The following FHDC1 variants were observed in gnomAD, a reference collection of about 807,000 sequenced individuals.
The protein encoded by FHDC1 is FH2 domain-containing protein 1.
A neutral mutation model predicts 52.6 loss-of-function variants in FHDC1; 25 were observed. The observed-to-expected ratio is 0.48, with a 90% confidence interval of 0.35 to 0.66. The LOEUF (loss-of-function observed/expected upper bound fraction) is 0.66. Ranked by LOEUF, FHDC1 falls within the 30% of genes least tolerant of loss-of-function variation. FHDC1 has a pLI of 0.01. For synonymous variants in FHDC1, 616 were observed against 581.5 expected (o/e 1.06, Z -0.85); for missense variants, 1,459 against 1,452.8 (o/e 1.00, Z -0.07).
chr4:152,943,243 A>T lies in FHDC1; in HGVS notation c.186A>T (p.Pro62=). ...GTCCTTCCTCCCCTCCTCCACCCCCACCACCTCCACTTCCTGGGGAGCCTC... is the reference window on the plus strand; with the variant it reads ...GTCCTTCCTCCCCTCCTCCACCCCCTCCACCTCCACTTCCTGGGGAGCCTC... ...EECPSSPPPP[P]PPPLPGEPPI... Residue 62 remains proline (P), a synonymous_variant, in exon 2 of 12, where the codon CCA becomes CCT. Coordinates refer to ENST00000511601, the MANE Select transcript of FHDC1 (RefSeq NM_001371116.1). The T allele has an allele frequency of 2.9e-6, 2 of 678,592 alleles. No homozygotes were observed. Among genetic ancestry groups the T allele is most frequent in the Non-Finnish European group, 4.0e-6 (2 of 497,366 alleles). The allele number at this position is 678,592 out of a possible 1,614,324, so 42.0% of individuals were successfully genotyped here.
chr4:152,914,947 C>T, the FHDC1 span, among the ~76,000 whole-genome samples: 1 of 151,434 alleles, frequency 6.6e-6, no homozygotes, highest in Admixed American at 6.6e-5. Flanking sequence ...GGAAAGGTAA[C>T]TTTAATCTTG....
At chr4:152,911,825 T>G in the FHDC1 span, 1 of 152,614 alleles carries the variant, frequency 6.6e-6, no homozygotes, top group Non-Finnish European at 1.5e-5. Context: ...CCAGCAGAAT[T>G]ACTACTTGTG....
chr4:152,968,666 C>T (rs1202449499), intron 10 of FHDC1, among the ~76,000 whole-genome samples: 2 of 152,144 alleles, frequency 1.3e-5, no homozygotes, highest in Non-Finnish European at 2.9e-5. Flanking sequence ...AGTGCTTCTG[C>T]GAGGCTCCTG....
the FHDC1 span, among the ~76,000 whole-genome samples, chr4:152,929,489 C>T: frequency 1.3e-5 from 2 of 152,168 alleles, no homozygotes; most frequent in South Asian, 4.1e-4. This position sits in a 1 kb window ranked among gnomAD's most constrained non-coding sequence, Gnocchi z 4.1. Context: ...GAATGGGAGG[C>T]AGGTTTGCCC....
In FHDC1 at chr4:152,936,344, A is replaced by G. The variant is rs6854237; in HGVS notation, c.-196A>G. 7,379 of 152,242 alleles carry G rather than the reference A, an allele frequency of 0.048. 226 individuals carry two copies. Among genetic ancestry groups the G allele is most frequent in the South Asian group, 0.11 (553 of 4,828 alleles). The allele number at this position is 152,242 out of a possible 1,614,324, so 9.4% of individuals were successfully genotyped here. On this transcript the variant is annotated 5_prime_UTR_variant, in exon 1 of 12. Transcript: ENST00000511601. ...CTGCAGTGACCGGGAGGAGGCGGCT[A>G]CGCCGACACAACGGCGGGAGGCTGC...
At chr4:152,950,055 G>T (rs1051705885) in intron 2 of FHDC1, among the ~76,000 whole-genome samples, 1 of 152,122 alleles carries the variant, frequency 6.6e-6, no homozygotes, top group African/African-American at 2.4e-5. Context: ...TCACTCATTG[G>T]CTGGGTTTGT....
the FHDC1 span, among the ~76,000 whole-genome samples, chr4:152,924,731 A>G: frequency 6.6e-6 from 1 of 152,068 alleles, no homozygotes; most frequent in Admixed American, 6.5e-5. Context: ...GAAATTGGAA[A>G]TCATCATTCT....
At chr4:152,947,651 G>A (rs1284915546) in intron 2 of FHDC1, among the ~76,000 whole-genome samples, 1 of 152,186 alleles carries the variant, frequency 6.6e-6, no homozygotes, top group Non-Finnish European at 1.5e-5. Context: ...AGAGCACAAA[G>A]GGATCAGCTT....
At chr4:152,927,660 A>G in the FHDC1 span, 2 of 1,592,832 alleles carry the variant, frequency 1.3e-6, no homozygotes, top group Non-Finnish European at 1.7e-6. Flanking sequence ...TATGAGGAAC[A>G]GTTCAAATTC....
rs1740898950 is a variant in FHDC1 at position 152,976,626 on chromosome 4, C to G, written c.3335C>G (p.Pro1112Arg). The G allele has an allele frequency of 6.2e-7, 1 of 1,606,948 alleles. No individual in the cohort carries two copies. The highest frequency in any genetic ancestry group is 8.5e-7 in the Non-Finnish European group (1 of 1,176,638). ...GGTCCCAGTGCCAACACGGAGGCCC[C>G]TCTGAAGGCCAGAGGGGCTGGGGAA... is the stretch of plus-strand genomic sequence containing the variant. ...AEGPSANTEA[P>R]LKARGAGERA... Residue 1112 changes from proline (P) to arginine (R), a missense_variant, in exon 12 of 12, where the codon CCT becomes CGT. This residue lies in a region of FHDC1 where 939 missense variants were observed against 854.5 expected (regional missense o/e 1.10). Coordinates refer to ENST00000511601, the MANE Select transcript of FHDC1 (RefSeq NM_001371116.1).
At chr4:152,926,961 A>G in the FHDC1 span, among the ~76,000 whole-genome samples, 1 of 152,252 alleles carries the variant, frequency 6.6e-6, no homozygotes, top group Non-Finnish European at 1.5e-5. Flanking sequence ...TTTAGCTAAG[A>G]CAGAACCCTG....
At chr4:152,912,925 C>T in the FHDC1 span, among the ~76,000 whole-genome samples, 1 of 152,166 alleles carries the variant, frequency 6.6e-6, no homozygotes, top group Non-Finnish European at 1.5e-5. Flanking sequence ...ATATTCAAAA[C>T]ACACTGATAA....
chr4:152,917,925 GA>G, the FHDC1 span, among the ~76,000 whole-genome samples: 1 of 152,074 alleles, frequency 6.6e-6, no homozygotes, highest in East Asian at 1.9e-4. Flanking sequence ...ATAAAATGAG[GA>G]AAAAAATTCG....
the FHDC1 span, among the ~76,000 whole-genome samples, chr4:152,926,653 C>CT: frequency 7.4e-5 from 11 of 149,022 alleles, no homozygotes; most frequent in South Asian, 1.3e-3. Flanking sequence ...AAATCTTTCC[C>CT]TTTTTTTTTC....
chr4:152,968,167 G>T (rs547879206), intron 10 of FHDC1, 70 bp downstream of exon 10: 6 of 1,077,138 alleles, frequency 5.6e-6, no homozygotes, highest in Non-Finnish European at 8.3e-6. Context: ...GGTTAAATTT[G>T]CATGGGTGTA....
chr4:152,964,519 C>T (rs1467505576), intron 8 of FHDC1, among the ~76,000 whole-genome samples: 2 of 152,192 alleles, frequency 1.3e-5, no homozygotes, highest in Non-Finnish European at 2.9e-5. Flanking sequence ...GCTCCTGTAC[C>T]TTCTGATTAA....
chr4:152,938,120 A>G (rs1739454443), intron 1 of FHDC1, among the ~76,000 whole-genome samples: 1 of 150,758 alleles, frequency 6.6e-6, no homozygotes, highest in African/African-American at 2.4e-5. Context: ...ACTGACCCAC[A>G]GTTGTCTTCC....
intron 4 of FHDC1, among the ~76,000 whole-genome samples, chr4:152,957,998 G>A (rs1740156565): frequency 6.6e-6 from 1 of 152,190 alleles, no homozygotes; most frequent in South Asian, 2.1e-4. Context: ...TTCTCCTGAA[G>A]CAGTTTGAGT....
At chr4:152,934,794 C>T (rs961222558), upstream of FHDC1, among the ~76,000 whole-genome samples, 13 of 152,140 alleles carry the variant, frequency 8.5e-5, no homozygotes, top group Admixed American at 8.5e-4. Context: ...GACTTGACTT[C>T]TCAAAAAGTA....
Sources: gnomAD v4.1 joint callset for allele counts (sites outside exome capture counted in the v4.1 genomes callset) on GRCh38, gnomAD v4.1.1 for gene constraint, gnomAD v4.1.1 regional missense constraint, Gnocchi (gnomAD v3.1) non-coding constraint, MANE v1.5 for transcripts, NCBI Gene and HGNC (gene_info 2026-07-23, HGNC 2026-07-21) for gene names.